Variants in CADPS observed in about 807,000 individuals in gnomAD.
CADPS encodes calcium dependent secretion activator, also known as calcium-dependent secretion activator 1.
A neutral mutation model predicts 167.3 loss-of-function variants in CADPS; 57 were observed. The ratio of observed to expected loss-of-function variants is 0.34; its 90% CI spans 0.28 to 0.42. The LOEUF is 0.42. Among genes scored for constraint, CADPS ranks in the 20% least tolerant of loss-of-function variants. The pLI, the probability that CADPS is intolerant of heterozygous loss-of-function variation, is 1.00. For missense variants in CADPS, 1,414 were observed against 1,738.1 expected (o/e 0.81, Z 3.32); for synonymous variants, 676 against 635.3 (o/e 1.06, Z -0.96).
At chr3:62,597,420 A>G (rs1055235181) in intron 6 of CADPS, among the ~76,000 whole-genome samples, 7 of 152,192 alleles carry the variant, frequency 4.6e-5, no homozygotes, top group African/African-American at 1.7e-4. Context: ...TGGGGAAGAG[A>G]AAGATTTCTG....
chr3:62,560,792 G>A (rs1224793882), intron 9 of CADPS, among the ~76,000 whole-genome samples: 3 of 152,084 alleles, frequency 2.0e-5, no homozygotes, highest in African/African-American at 7.2e-5. Context: ...TTAAAGAGTG[G>A]ATGGTGGGCT....
At chr3:62,557,261 T>C in intron 10 of CADPS, 144 bp downstream of exon 10, 2 of 630,796 alleles carry the variant, frequency 3.2e-6, no homozygotes, top group South Asian at 4.0e-5. Flanking sequence ...TATCAGGGAT[T>C]GTGACTGTCA....
chr3:62,723,438 G>A (rs1379709291), intron 3 of CADPS, among the ~76,000 whole-genome samples: 1 of 152,084 alleles, frequency 6.6e-6, no homozygotes, highest in Non-Finnish European at 1.5e-5. Flanking sequence ...TTCCTTTCAC[G>A]TAAGAGGGCA....
chr3:62,701,765 G>C (rs2081441905), intron 3 of CADPS, among the ~76,000 whole-genome samples: 5 of 152,088 alleles, frequency 3.3e-5, no homozygotes, highest in African/African-American at 1.2e-4. Flanking sequence ...CTATGAACCA[G>C]GTAGAGCCTT....
At chr3:62,609,623 G>A (rs1488338738) in intron 6 of CADPS, among the ~76,000 whole-genome samples, 1 of 152,092 alleles carries the variant, frequency 6.6e-6, no homozygotes, top group East Asian at 1.9e-4. Flanking sequence ...TTCCTCATCT[G>A]TACAATAGGA....
At chr3:62,629,810 C>A (rs753443480) in intron 6 of CADPS, among the ~76,000 whole-genome samples, 6 of 151,578 alleles carry the variant, frequency 4.0e-5, no homozygotes, top group African/African-American at 9.7e-5. Flanking sequence ...ATATTACAAG[C>A]TTTTTCCCAT....
At chr3:62,567,676 G>A (rs1390163044) in intron 9 of CADPS, among the ~76,000 whole-genome samples, 1 of 134,912 alleles carries the variant, frequency 7.4e-6, no homozygotes, top group Non-Finnish European at 1.5e-5. Flanking sequence ...CTGGGTTCAA[G>A]CAATTCTCCT....
chr3:62,832,606 T>A lies in CADPS; in HGVS notation c.441+41983A>T, dbSNP rs17291925. On this transcript the variant is annotated intron_variant, in intron 1 of 29. Transcript: ENST00000383710. ...CCATAAATTTCAGCTTGATGCACAC[T>A]TGTTACCAGTAGGACTAAGAAACGG... is the stretch of plus-strand genomic sequence containing the variant. Among the ~76,000 whole-genome samples the A allele has an allele frequency of 2.0e-5, 3 of 152,136 alleles. No homozygotes were observed. In the East Asian group the frequency reaches 5.8e-4, roughly 29 times the overall value.
intron 8 of CADPS, among the ~76,000 whole-genome samples, chr3:62,571,582 G>A (rs1380010725): frequency 6.9e-6 from 1 of 145,280 alleles, no homozygotes; most frequent in African/African-American, 2.5e-5. Context: ...TTTTTTTTTT[G>A]GGACAGAGTT....
chr3:62,720,242 G>C (rs936285374), intron 3 of CADPS, among the ~76,000 whole-genome samples: 1 of 151,934 alleles, frequency 6.6e-6, no homozygotes, highest in Non-Finnish European at 1.5e-5. Context: ...ACATGTGTCA[G>C]ACATAGGCTT....
At chr3:62,626,507 T>C (rs1022607806) in intron 6 of CADPS, 1 of 702,752 alleles carries the variant, frequency 1.4e-6, no homozygotes, top group Non-Finnish European at 2.6e-6. Flanking sequence ...TGATTTGACA[T>C]GGCACAAAGA....
At position 62,455,527 on chromosome 3, in the gene CADPS, T is replaced by C. The variant is rs1180564284; in HGVS notation, c.3637-9730A>G. ...TTGCCCTCCTAATGGCCACATTGTATGCTTTTCCATTTTGTTGATTTTTGT... is the reference window on the plus strand; with the variant it reads ...TTGCCCTCCTAATGGCCACATTGTACGCTTTTCCATTTTGTTGATTTTTGT... On this transcript the variant is annotated intron_variant, in intron 26 of 29. Transcript: ENST00000383710. This position sits in a 1 kb window ranked among gnomAD's most constrained non-coding sequence, Gnocchi z 4.4. 6.6e-6 allele frequency among the ~76,000 whole-genome samples: 1 copy of C among 152,198 alleles called. No homozygotes were observed. Among genetic ancestry groups the C allele is most frequent in the South Asian group, 2.1e-4 (1 of 4,834 alleles).
chr3:62,781,258 C>A (rs2091533209), intron 1 of CADPS, among the ~76,000 whole-genome samples: 1 of 152,180 alleles, frequency 6.6e-6, no homozygotes, highest in East Asian at 1.9e-4. Flanking sequence ...GACAAAGCCA[C>A]CAGCCCTTTA....
Position 62,465,482 on chromosome 3 carries a change from A to G in CADPS, c.3553-32T>C. The G allele has an allele frequency of 1.4e-6, 2 of 1,440,296 alleles. No homozygotes were observed. The highest frequency in any genetic ancestry group is 1.9e-6 in the Non-Finnish European group (2 of 1,031,600). 89.2% of individuals were successfully genotyped at this position (1,440,296 alleles called of 1,614,324 possible). ...AAACAGCAAAAAAGAAAAAAATGTT[A>G]TTTCAAACTATAATTGTTCACCATA... On this transcript the variant is annotated intron_variant, in intron 25 of 29. Transcript: ENST00000383710. This position sits in a 1 kb window ranked among gnomAD's most constrained non-coding sequence, Gnocchi z 4.1.
At chr3:62,542,586 C>T (rs704356) in intron 11 of CADPS, among the ~76,000 whole-genome samples, 12,398 of 152,014 alleles carry the variant, frequency 0.082, 602 homozygotes, top group East Asian at 0.19. Context: ...TGCCCAGAGG[C>T]ACAAATGGAC....
intron 26 of CADPS, among the ~76,000 whole-genome samples, chr3:62,450,976 T>C (rs557504026): frequency 1.8e-4 from 28 of 152,328 alleles, no homozygotes; most frequent in South Asian, 8.3e-4. Flanking sequence ...CATCCTATTA[T>C]TTAGTTTCTT....
At chr3:62,826,239 G>A (rs1470946798) in intron 1 of CADPS, among the ~76,000 whole-genome samples, 2 of 152,130 alleles carry the variant, frequency 1.3e-5, no homozygotes, top group African/African-American at 4.8e-5. Context: ...ATCAAAAAGA[G>A]AAAGGAGATC....
intron 5 of CADPS, among the ~76,000 whole-genome samples, chr3:62,648,691 C>CAAAAAAAA (rs55665003): frequency 0.041 from 2,227 of 54,522 alleles, 378 homozygotes; most frequent in African/African-American, 0.13. Flanking sequence ...GACGTTGTGT[C>CAAAAAAAA]AAAAAAAAAA....
chr3:62,816,724 T>A (rs2094633311), intron 1 of CADPS, among the ~76,000 whole-genome samples: 1 of 151,966 alleles, frequency 6.6e-6, no homozygotes, highest in East Asian at 1.9e-4. Flanking sequence ...CTCACATTTT[T>A]CACAGGAGAG....
Sources: allele counts gnomAD v4.1 joint callset (sites outside exome capture counted in the v4.1 genomes callset), GRCh38; gene constraint gnomAD v4.1.1; non-coding constraint Gnocchi (gnomAD v3.1); transcripts MANE v1.5; gene names NCBI Gene and HGNC (gene_info 2026-07-23, HGNC 2026-07-21).